Variants in FBXW7 observed in about 807,000 individuals in gnomAD.
FBXW7 encodes F-box and WD repeat domain containing 7, also known as F-box/WD repeat-containing protein 7.
Under a neutral mutation model 86.3 loss-of-function variants are expected in FBXW7, and 11 were observed. That is an observed-to-expected ratio of 0.13 (90% CI 0.08 to 0.21). The LOEUF (loss-of-function observed/expected upper bound fraction) is 0.21, where lower values mean the gene tolerates loss of function less well. Among genes scored for constraint, FBXW7 ranks in the 10% least tolerant of loss-of-function variants. The probability of loss-of-function intolerance (pLI) is 1.00; values close to 1 mark genes in which losing one functional copy is unlikely to be tolerated. For synonymous variants in FBXW7, 313 were observed against 297.9 expected, an observed-to-expected ratio of 1.05 and a Z score of -0.52; for missense variants, 488 against 847.4, an observed-to-expected ratio of 0.58 and a Z score of 5.27.
At chr4:152,439,689 C>A (rs886347468) in intron 2 of FBXW7, among the ~76,000 whole-genome samples, 1 of 151,912 alleles carries the variant, frequency 6.6e-6, no homozygotes, top group Non-Finnish European at 1.5e-5. Context: ...CCAGTGAAAC[C>A]CCGTCTCTAC....
chr4:152,337,606 C>T, intron 7 of FBXW7, 196 bp downstream of exon 7: 1 of 489,836 alleles, frequency 2.0e-6, no homozygotes, highest in Non-Finnish European at 3.6e-6. Context: ...ACTTAGTTCA[C>T]ATGCATTCTT....
intron 2 of FBXW7, among the ~76,000 whole-genome samples, chr4:152,426,751 G>C (rs1481891050): frequency 6.6e-6 from 1 of 152,180 alleles, no homozygotes; most frequent in Admixed American, 6.6e-5. Flanking sequence ...ACAGGGACAA[G>C]AGAAGTCTAG....
At chr4:152,379,780 T>C (rs552220543) in intron 4 of FBXW7, among the ~76,000 whole-genome samples, 1 of 152,336 alleles carries the variant, frequency 6.6e-6, no homozygotes, top group South Asian at 2.1e-4. Context: ...TTATCTCAGA[T>C]GAGCAGCTAG....
intron 2 of FBXW7, among the ~76,000 whole-genome samples, chr4:152,516,358 T>A (rs1748496265): frequency 6.6e-6 from 1 of 152,140 alleles, no homozygotes; most frequent in Admixed American, 6.5e-5. Context: ...GCACAAACAC[T>A]ATTGTGAACT....
chr4:152,338,154 A>C (rs1046200218), intron 6 of FBXW7: 11 of 357,284 alleles, frequency 3.1e-5, no homozygotes, highest in Non-Finnish European at 5.0e-5. Context: ...TTAAAAAAAA[A>C]CATGTTTGAC....
At chr4:152,514,758 C>T (rs1052902724) in intron 2 of FBXW7, among the ~76,000 whole-genome samples, 2 of 152,136 alleles carry the variant, frequency 1.3e-5, no homozygotes, top group African/African-American at 4.8e-5. Context: ...GAAGCCCTCA[C>T]CAGAAAGCAG....
In FBXW7 at chr4:152,535,919, C is replaced by A. The variant is rs1750520398; in HGVS notation, c.-1005G>T. The A allele has an allele frequency of 8.9e-6, 3 of 338,310 alleles. No homozygotes were observed. The highest frequency in any genetic ancestry group is 1.6e-5 in the Non-Finnish European group (3 of 187,092). The allele number at this position is 338,310 out of a possible 1,614,324, so 21.0% of individuals were successfully genotyped here. On this transcript the variant is annotated 5_prime_UTR_variant, in exon 1 of 14. Coordinates refer to ENST00000281708, the MANE Select transcript of FBXW7 (RefSeq NM_001349798.2). ...GGAGTGCGGCCGCGGCTCCCGCTGGCCCAGGTGAGAGCGAAGGTCTCGGCG... is the reference window on the plus strand; with the variant it reads ...GGAGTGCGGCCGCGGCTCCCGCTGGACCAGGTGAGAGCGAAGGTCTCGGCG...
At chr4:152,352,709 A>G (rs1469558592) in intron 4 of FBXW7, 1 of 1,613,900 alleles carries the variant, frequency 6.2e-7, no homozygotes, top group Admixed American at 1.7e-5. Context: ...CTCAGTATCA[A>G]ACCGCTTCTC....
At chr4:152,344,537 T>G (rs1731073849) in intron 6 of FBXW7, among the ~76,000 whole-genome samples, 1 of 152,124 alleles carries the variant, frequency 6.6e-6, no homozygotes, top group South Asian at 2.1e-4. Context: ...AATACAGTTT[T>G]TTTTTTTTTC....
intron 5 of FBXW7, chr4:152,348,845 C>T (rs1040942609): frequency 4.1e-5 from 10 of 241,296 alleles, no homozygotes; most frequent in Non-Finnish European, 6.1e-5. Context: ...TCCCTCCACA[C>T]CCTCTGGTGG....
chr4:152,479,664 T>G (rs995127616), intron 2 of FBXW7, among the ~76,000 whole-genome samples: 2 of 152,124 alleles, frequency 1.3e-5, no homozygotes. Flanking sequence ...AGATAAACAT[T>G]AGGCAAGAAT....
chr4:152,534,088 C>G (rs1433760702), intron 2 of FBXW7, among the ~76,000 whole-genome samples: 2 of 151,760 alleles, frequency 1.3e-5, no homozygotes, highest in African/African-American at 4.8e-5. Context: ...GACAAGATAC[C>G]TAAAATACAA....
chr4:152,350,637 T>A (rs999178701), intron 4 of FBXW7, among the ~76,000 whole-genome samples: 6 of 151,910 alleles, frequency 3.9e-5, no homozygotes, highest in Admixed American at 3.9e-4. Flanking sequence ...GTATAAATAA[T>A]CTTGAATAGT....
chr4:152,379,747 G>A (rs1227307201), intron 4 of FBXW7, among the ~76,000 whole-genome samples: 1 of 152,046 alleles, frequency 6.6e-6, no homozygotes, highest in Non-Finnish European at 1.5e-5. Flanking sequence ...ACTGTTGTTA[G>A]TATTAAATCC....
intron 4 of FBXW7, among the ~76,000 whole-genome samples, chr4:152,386,345 T>TA (rs1735525957): frequency 6.6e-6 from 1 of 152,060 alleles, no homozygotes; most frequent in African/African-American, 2.4e-5. Flanking sequence ...CAAGTTCACC[T>TA]AGGCAGTACT....
intron 2 of FBXW7, among the ~76,000 whole-genome samples, chr4:152,446,172 A>G (rs1016524362): frequency 2.0e-5 from 3 of 152,220 alleles, no homozygotes; most frequent in Admixed American, 2.0e-4. Flanking sequence ...AAGTCTAGAA[A>G]AAATTGGCAG....
Position 152,474,804 on chromosome 4 carries a change from T to C in FBXW7, c.-120+60137A>G, listed in dbSNP as rs551797050. 4.6e-5 allele frequency among the ~76,000 whole-genome samples: 7 copies of C among 152,302 alleles called. No homozygotes were observed. In the East Asian group the frequency reaches 1.4e-3, roughly 29 times the overall value. ...CCTCAGCCTCTCAAGTAGCTGGGAC[T>C]ACAGGCGCACGCCACCACTCCCAGC... On this transcript the variant is annotated intron_variant, in intron 2 of 13. Coordinates refer to ENST00000281708, the MANE Select transcript of FBXW7 (RefSeq NM_001349798.2).
At chr4:152,386,883 C>T (rs539840469) in intron 4 of FBXW7, among the ~76,000 whole-genome samples, 1 of 152,286 alleles carries the variant, frequency 6.6e-6, no homozygotes. Flanking sequence ...AATACGGTAT[C>T]TGTAAAATGC....
At chr4:152,460,231 AG>A (rs1324774565) in intron 2 of FBXW7, among the ~76,000 whole-genome samples, 2 of 152,250 alleles carry the variant, frequency 1.3e-5, no homozygotes, top group Admixed American at 6.5e-5. Context: ...TTCATAAGTT[AG>A]AAGACTATTA....
Sources: allele counts gnomAD v4.1 joint callset (sites outside exome capture counted in the v4.1 genomes callset), GRCh38; gene constraint gnomAD v4.1.1; transcripts MANE v1.5; gene names NCBI Gene and HGNC (gene_info 2026-07-23, HGNC 2026-07-21).